RALYL: variants seen among roughly 807,000 people sequenced by gnomAD.
RALYL encodes the protein RNA-binding Raly-like protein.
RALYL carries 29 observed loss-of-function variants against 35.1 expected under a neutral mutation model. The observed-to-expected ratio is 0.83, with a 90% CI of 0.61 to 1.13. RALYL has a LOEUF of 1.13. RALYL is among the 50% of genes most tolerant of loss of function. The pLI is 0.00. For synonymous variants in RALYL, 120 were observed against 127.6 expected, an observed-to-expected ratio of 0.94 and a Z score of 0.40; for missense variants, 359 against 360.4, an observed-to-expected ratio of 1.00 and a Z score of 0.03.
chr8:84,661,598 T>C (rs1359957965), intron 2 of RALYL, among the ~76,000 whole-genome samples: 1 of 150,960 alleles, frequency 6.6e-6, no homozygotes, highest in Admixed American at 6.6e-5. Context: ...ACATAGTTTT[T>C]TTTTTTCGTG....
intron 2 of RALYL, among the ~76,000 whole-genome samples, chr8:84,721,097 A>G (rs1438448007): frequency 6.6e-6 from 1 of 151,898 alleles, no homozygotes. Flanking sequence ...ATGGGGCAAG[A>G]TGGCTCAGAT....
intron 2 of RALYL, among the ~76,000 whole-genome samples, chr8:84,699,011 T>TAGATAGATAGAC (rs1839700815): frequency 7.1e-6 from 1 of 141,262 alleles, no homozygotes; most frequent in South Asian, 2.4e-4. Context: ...GGTACATAGA[T>TAGATAGATAGAC]AGATAGATAG....
rs1174299042 is a variant in RALYL at position 84,873,304 on chromosome 8, A to G, written c.592A>G (p.Thr198Ala). The change falls in exon 7 of 9, where the codon ACC (threonine) becomes GCC (alanine). Residue 198 changes from threonine (T) to alanine (A), a missense_variant. Coordinates refer to ENST00000521268, the MANE Select transcript of RALYL (RefSeq NM_173848.7). ...TCCAGTGAAATCAGATGAGTTACAGACCATCAAGAAAGAATTAACCCAGAT... is the reference window on the plus strand; with the variant it reads ...TCCAGTGAAATCAGATGAGTTACAGGCCATCAAGAAAGAATTAACCCAGAT... ...GSKLKSDELQTIKKELTQIKT... is the reference protein window; with the variant it reads ...GSKLKSDELQAIKKELTQIKT... The G allele has an allele frequency of 1.9e-6, 3 of 1,590,022 alleles. No individual in the cohort carries two copies. Among genetic ancestry groups the G allele is most frequent in the Middle Eastern group, 1.7e-4 (1 of 6,052 alleles).
At chr8:84,301,076 G>C (rs1425037980) in intron 1 of RALYL, among the ~76,000 whole-genome samples, 7 of 151,966 alleles carry the variant, frequency 4.6e-5, no homozygotes, top group Admixed American at 2.6e-4. Flanking sequence ...GGCAGGTCTG[G>C]TGGTAACAAA....
intron 1 of RALYL, among the ~76,000 whole-genome samples, chr8:84,367,318 ATTTTTTTT>A (rs56387511): frequency 6.6e-4 from 18 of 27,408 alleles, no homozygotes; most frequent in African/African-American, 1.1e-3. Context: ...TAATTTTTGT[ATTTTTTTT>A]TTTTTTTTTT....
chr8:84,803,729 A>G (rs1030224463), intron 3 of RALYL, among the ~76,000 whole-genome samples: 1 of 152,226 alleles, frequency 6.6e-6, no homozygotes, highest in Non-Finnish European at 1.5e-5. Flanking sequence ...TAAATGCACC[A>G]AGGCATATTT....
intron 2 of RALYL, among the ~76,000 whole-genome samples, chr8:84,680,908 G>C (rs1222713752): frequency 2.0e-5 from 3 of 152,042 alleles, no homozygotes; most frequent in East Asian, 3.9e-4. Flanking sequence ...TGGTGTTTTA[G>C]ACATGAAGTC....
At chr8:84,544,461 A>G (rs1380380129) in intron 2 of RALYL, among the ~76,000 whole-genome samples, 2 of 151,982 alleles carry the variant, frequency 1.3e-5, no homozygotes, top group Admixed American at 1.3e-4. Context: ...AAAATTTCAT[A>G]TCTTTTGGAG....
intron 1 of RALYL, among the ~76,000 whole-genome samples, chr8:84,357,788 T>A (rs1303348335): frequency 6.8e-6 from 1 of 148,040 alleles, no homozygotes; most frequent in Non-Finnish European, 1.5e-5. Context: ...TTTATATATT[T>A]ATATATATTT....
chr8:84,728,109 A>G (rs1209183324), intron 2 of RALYL, among the ~76,000 whole-genome samples: 5 of 151,124 alleles, frequency 3.3e-5, no homozygotes, highest in Non-Finnish European at 7.4e-5. Flanking sequence ...AAGTGTTCCT[A>G]TTTCTCCACA....
chr8:84,459,332 C>T (rs973783394), intron 1 of RALYL, among the ~76,000 whole-genome samples: 5 of 151,306 alleles, frequency 3.3e-5, no homozygotes, highest in Admixed American at 6.6e-5. Flanking sequence ...CATAACAAGG[C>T]GAATAGGAAA....
intron 4 of RALYL, 59 bp from the exon 5 acceptor site, chr8:84,849,918 TTAA>T: frequency 1.1e-6 from 1 of 881,914 alleles, no homozygotes; most frequent in South Asian, 1.9e-5. Context: ...ACATCATAAG[TTAA>T]TAATAAAATT....
Position 84,529,376 on chromosome 8 carries a change from A to G in RALYL, c.55A>G (p.Ile19Val). The change falls in exon 2 of 9, where the codon ATC becomes GTC. Residue 19 changes from isoleucine (I) to valine (V), a missense_variant. By Grantham distance (29) the Ile-to-Val change is conservative. Coordinates refer to ENST00000521268, the MANE Select transcript of RALYL (RefSeq NM_173848.7). ...CACCAATAAGAATGACCCCAAGTCC[A>G]TCAACTCCCGTGTTTTCATCGGCAA... is the stretch of plus-strand genomic sequence containing the variant. ...NVTNKNDPKS[I>V]NSRVFIGNLN... 6.2e-7 allele frequency: 1 copy of G among 1,606,886 alleles called. No homozygotes were observed. Among genetic ancestry groups the G allele is most frequent in the Non-Finnish European group, 8.5e-7 (1 of 1,176,162 alleles).
At position 84,284,913 on chromosome 8, in the gene RALYL, A is replaced by G. The variant is rs112437715; in HGVS notation, c.-24+100489A>G. Among the ~76,000 whole-genome samples the G allele has an allele frequency of 2.4e-3, 372 of 152,344 alleles. 2 individuals carry two copies. The highest frequency in any genetic ancestry group is 8.6e-3 in the African/African-American group (359 of 41,588). ...AAAATTAGTGTCATTTCTAATGCTGAAAGCATATTAAACATGAGGTCTGCT... is the reference window on the plus strand; with the variant it reads ...AAAATTAGTGTCATTTCTAATGCTGGAAGCATATTAAACATGAGGTCTGCT... On this transcript the variant is annotated intron_variant, in intron 1 of 8. Coordinates refer to ENST00000521268, the MANE Select transcript of RALYL (RefSeq NM_173848.7).
chr8:84,842,002 A>T (rs1833501861), intron 4 of RALYL, among the ~76,000 whole-genome samples: 1 of 152,244 alleles, frequency 6.6e-6, no homozygotes, highest in African/African-American at 2.4e-5. Flanking sequence ...CTAAATGCCC[A>T]CAAGAGAAAG....
chr8:84,563,940 A>T (rs1215522844), intron 2 of RALYL, among the ~76,000 whole-genome samples: 1 of 151,778 alleles, frequency 6.6e-6, no homozygotes, highest in African/African-American at 2.4e-5. Context: ...TTTATGTAAA[A>T]TTTTTACAGG....
chr8:84,633,975 A>G (rs1824485712), intron 2 of RALYL, among the ~76,000 whole-genome samples: 1 of 151,896 alleles, frequency 6.6e-6, no homozygotes, highest in African/African-American at 2.4e-5. Context: ...TGTTAAAATG[A>G]TATAATGAAT....
chr8:84,491,552 T>C (rs886646312), intron 1 of RALYL, among the ~76,000 whole-genome samples: 1 of 152,054 alleles, frequency 6.6e-6, no homozygotes. Flanking sequence ...TGATTCCTAC[T>C]AATGTTTCAA....
At chr8:84,323,198 G>A (rs1219597231) in intron 1 of RALYL, among the ~76,000 whole-genome samples, 3 of 152,052 alleles carry the variant, frequency 2.0e-5, no homozygotes, top group African/African-American at 4.8e-5. Flanking sequence ...TAAATGAATT[G>A]TAATCCTTAA....
Sources: gnomAD v4.1 joint callset for allele counts (sites outside exome capture counted in the v4.1 genomes callset) on GRCh38, gnomAD v4.1.1 for gene constraint, MANE v1.5 for transcripts, NCBI Gene and HGNC (gene_info 2026-07-23, HGNC 2026-07-21) for gene names.